The following LAMA2 variants were observed in gnomAD, a reference collection of about 807,000 sequenced individuals.
The protein encoded by LAMA2 is laminin subunit alpha-2.
In LAMA2, 269 loss-of-function variants were observed where a neutral mutation model predicts 364.8. The observed-to-expected ratio is 0.74, with a 90% confidence interval of 0.67 to 0.82. The LOEUF (loss-of-function observed/expected upper bound fraction) is 0.82. LAMA2 is among the 40% of genes least tolerant of loss of function. The pLI is 0.00. For missense variants in LAMA2, 3,807 were observed against 3,873.2 expected, an observed-to-expected ratio of 0.98 and a Z score of 0.45; for synonymous variants, 1,379 against 1,370.6, an observed-to-expected ratio of 1.01 and a Z score of -0.14.
chr6:129,048,139 T>C (rs1787665988), intron 1 of LAMA2, among the ~76,000 whole-genome samples: 1 of 152,238 alleles, frequency 6.6e-6, no homozygotes, highest in African/African-American at 2.4e-5. Flanking sequence ...CAATAGTGCT[T>C]GGCACATTGC....
chr6:128,978,972 A>G (rs904174006), intron 1 of LAMA2, among the ~76,000 whole-genome samples: 2 of 152,192 alleles, frequency 1.3e-5, no homozygotes, highest in African/African-American at 2.4e-5. Context: ...GCAAAGATGA[A>G]GGGAAAGAGT....
intron 3 of LAMA2, among the ~76,000 whole-genome samples, chr6:129,079,841 T>C (rs1458517275): frequency 6.6e-6 from 1 of 152,150 alleles, no homozygotes; most frequent in African/African-American, 2.4e-5. Flanking sequence ...CATGTACCTA[T>C]AAGTACATAT....
At chr6:129,168,370 G>C (rs1468102574) in intron 9 of LAMA2, among the ~76,000 whole-genome samples, 1 of 151,920 alleles carries the variant, frequency 6.6e-6, no homozygotes, top group East Asian at 1.9e-4. Flanking sequence ...TCCAGTTTCA[G>C]CTTTCTACAT....
intron 15 of LAMA2, among the ~76,000 whole-genome samples, chr6:129,266,619 A>C (rs531109090): frequency 2.0e-5 from 3 of 152,116 alleles, no homozygotes; most frequent in Non-Finnish European, 4.4e-5. Context: ...AATCATGTCA[A>C]AGATTTTCTG....
chr6:129,410,747 TA>T (rs1262950958), intron 40 of LAMA2, among the ~76,000 whole-genome samples: 32 of 151,080 alleles, frequency 2.1e-4, no homozygotes, highest in African/African-American at 7.6e-4. Context: ...GATAGATAGA[TA>T]GATAGATAAT....
intron 60 of LAMA2, among the ~76,000 whole-genome samples, 153 bp downstream of exon 60, chr6:129,503,433 T>G (rs1167381058): frequency 6.6e-6 from 1 of 152,108 alleles, no homozygotes; most frequent in African/African-American, 2.4e-5. Flanking sequence ...TACCACAATC[T>G]TGGAAAATGT....
intron 1 of LAMA2, among the ~76,000 whole-genome samples, chr6:128,960,467 G>C (rs57454042): frequency 0.2 from 20,138 of 102,070 alleles, 1,555 homozygotes; most frequent in African/African-American, 0.37. Flanking sequence ...GCCCCACCCC[G>C]CCCCCGCCGA....
intron 40 of LAMA2, among the ~76,000 whole-genome samples, chr6:129,419,131 A>AT (rs974090006): frequency 3.9e-5 from 6 of 152,080 alleles, no homozygotes; most frequent in African/African-American, 1.4e-4. Context: ...AGAGAAATAA[A>AT]TTTTTTGACC....
chr6:129,088,249 ATCTT>A (rs1222097639), intron 3 of LAMA2, among the ~76,000 whole-genome samples: 1 of 151,854 alleles, frequency 6.6e-6, no homozygotes, highest in African/African-American at 2.4e-5. Flanking sequence ...AGGCAGAAGA[ATCTT>A]TCTTAGTACA....
intron 1 of LAMA2, among the ~76,000 whole-genome samples, chr6:128,997,488 A>G (rs998695190): frequency 6.6e-6 from 1 of 152,190 alleles, no homozygotes; most frequent in Non-Finnish European, 1.5e-5. Flanking sequence ...CAAACTGGCT[A>G]TTCAAGACTT....
intron 49 of LAMA2, among the ~76,000 whole-genome samples, chr6:129,462,526 C>T (rs1783309786): frequency 1.3e-5 from 2 of 151,894 alleles, no homozygotes; most frequent in South Asian, 4.2e-4. Flanking sequence ...TTCACATTTT[C>T]CTTTTAAGGT....
At chr6:129,104,298 G>A (rs1410244507) in intron 4 of LAMA2, among the ~76,000 whole-genome samples, 1 of 152,146 alleles carries the variant, frequency 6.6e-6, no homozygotes, top group Non-Finnish European at 1.5e-5. Flanking sequence ...GAACCACCAT[G>A]CCTGGCCCAG....
At chr6:128,986,593 C>T (rs1041741396) in intron 1 of LAMA2, among the ~76,000 whole-genome samples, 1 of 152,000 alleles carries the variant, frequency 6.6e-6, no homozygotes, top group Non-Finnish European at 1.5e-5. Context: ...TCATAGCTCT[C>T]TATATATCAT....
chr6:128,926,585 C>A (rs1440837927), intron 1 of LAMA2, among the ~76,000 whole-genome samples: 1 of 152,178 alleles, frequency 6.6e-6, no homozygotes, highest in Non-Finnish European at 1.5e-5. Context: ...TCCAGAATAA[C>A]AGTTAAATAT....
chr6:128,967,779 G>T (rs1431073028), intron 1 of LAMA2, among the ~76,000 whole-genome samples: 1 of 152,014 alleles, frequency 6.6e-6, no homozygotes, highest in Non-Finnish European at 1.5e-5. Context: ...ATTGGATTCC[G>T]ACTTTTACAC....
At chr6:128,946,653 T>C (rs74350397) in intron 1 of LAMA2, among the ~76,000 whole-genome samples, 1,983 of 152,356 alleles carry the variant, frequency 0.013, 51 homozygotes, top group African/African-American at 0.045. Flanking sequence ...TCAATGTATG[T>C]GACCTCTATT....
chr6:128,889,060 A>G lies in LAMA2; in HGVS notation c.112+5703A>G, dbSNP rs572812468. 2.9e-4 allele frequency among the ~76,000 whole-genome samples: 44 copies of G among 152,294 alleles called. No individual in the cohort carries two copies. In the Middle Eastern group the frequency reaches 0.01, roughly 35 times the overall value. ...CCCTTTGGCAACTCAGTGCTATTCCATTATTCAAAATATATCAGTACCTCA... is the reference window on the plus strand; with the variant it reads ...CCCTTTGGCAACTCAGTGCTATTCCGTTATTCAAAATATATCAGTACCTCA... On this transcript the variant is annotated intron_variant, in intron 1 of 64. Coordinates refer to ENST00000421865, the MANE Select transcript of LAMA2 (RefSeq NM_000426.4).
At chr6:129,368,609 A>G (rs905658932) in intron 33 of LAMA2, among the ~76,000 whole-genome samples, 1 of 152,236 alleles carries the variant, frequency 6.6e-6, no homozygotes, top group Non-Finnish European at 1.5e-5. Context: ...ATACTTAAGC[A>G]ATGGATGATG....
intron 28 of LAMA2, among the ~76,000 whole-genome samples, chr6:129,324,588 A>G (rs1775161426): frequency 6.6e-6 from 1 of 152,158 alleles, no homozygotes; most frequent in Non-Finnish European, 1.5e-5. Context: ...TCATTGTGCA[A>G]ACATCATAGA....
Sources: gnomAD v4.1 joint callset for allele counts (sites outside exome capture counted in the v4.1 genomes callset) on GRCh38, gnomAD v4.1.1 for gene constraint, MANE v1.5 for transcripts, NCBI Gene and HGNC (gene_info 2026-07-23, HGNC 2026-07-21) for gene names.